ABCC9: variants seen among roughly 807,000 people sequenced by gnomAD.
ABCC9 encodes the protein ATP binding cassette subfamily C member 9, also known as ATP-binding cassette sub-family C member 9.
Under a neutral mutation model 188.3 loss-of-function variants are expected in ABCC9, and 95 were observed. The observed-to-expected ratio is 0.50, with a 90% CI of 0.43 to 0.60. The LOEUF (loss-of-function observed/expected upper bound fraction) is 0.60, where lower values mean the gene tolerates loss of function less well. Among genes scored for constraint, ABCC9 ranks in the 20% least tolerant of loss-of-function variants. The probability of loss-of-function intolerance (pLI) is 0.00; values close to 1 mark genes in which losing one functional copy is unlikely to be tolerated. For synonymous variants in ABCC9, 659 were observed against 652.7 expected, an observed-to-expected ratio of 1.01 and a Z score of -0.15; for missense variants, 1,102 against 1,876.3, an observed-to-expected ratio of 0.59 and a Z score of 7.62.
Position 21,800,790 on chromosome 12 carries a change from C to T in ABCC9, c.*254G>A. 1 of 476,060 alleles carries T rather than the reference C, an allele frequency of 2.1e-6. No homozygotes were observed. The highest frequency in any genetic ancestry group is 2.3e-5 in the South Asian group (1 of 43,980). The allele number at this position is 476,060 out of a possible 1,614,324, so 29.5% of individuals were successfully genotyped here. ...GCTATTGATTTATCACTTAAAGTAG[C>T]TTACATGTTTTAATACAACCTAGCT... On this transcript the variant is annotated 3_prime_UTR_variant, in exon 40 of 40. Transcript: ENST00000261200.
Position 21,905,170 on chromosome 12 carries a change from G to A in ABCC9, c.1618+956C>T, listed in dbSNP as rs1947976143. ...ATCATTCTCAGCAAACTATTGCAGG[G>A]ACAAAAAACCAAACACCACATGTTC... is the stretch of plus-strand genomic sequence containing the variant. On this transcript the variant is annotated intron_variant, in intron 12 of 39. Coordinates refer to ENST00000261200, the MANE Select transcript of ABCC9 (RefSeq NM_020297.4). Among the ~76,000 whole-genome samples the A allele has an allele frequency of 2.0e-5, 3 of 152,066 alleles. 1 individual carries two copies. The South Asian group carries it at 6.2e-4, about 32-fold the overall frequency.
chr12:21,912,767 A>AG, intron 8 of ABCC9, 105 bp downstream of exon 8: 1 of 1,192,418 alleles, frequency 8.4e-7, no homozygotes, highest in Non-Finnish European at 1.2e-6. Flanking sequence ...AATTCTCTGA[A>AG]AAAAAGCCTA....
intron 31 of ABCC9, among the ~76,000 whole-genome samples, chr12:21,825,544 C>T (rs1380350197): frequency 6.7e-6 from 1 of 150,150 alleles, no homozygotes; most frequent in East Asian, 2.0e-4. Flanking sequence ...AACACAGGAA[C>T]AGAAAACCAA....
chr12:21,832,820 C>T (rs906204812), intron 30 of ABCC9, among the ~76,000 whole-genome samples: 3 of 152,152 alleles, frequency 2.0e-5, no homozygotes, highest in East Asian at 3.9e-4. Flanking sequence ...GACAGTTGCA[C>T]ACACATGTTT....
intron 38 of ABCC9, 139 bp downstream of exon 38, chr12:21,807,207 G>T: frequency 8.8e-7 from 1 of 1,135,182 alleles, no homozygotes. Flanking sequence ...GCTATCATCA[G>T]TTCATCCAGT....
intron 30 of ABCC9, 105 bp downstream of exon 30, chr12:21,837,973 A>G (rs1944189035): frequency 1.0e-6 from 1 of 969,128 alleles, no homozygotes; most frequent in Non-Finnish European, 1.6e-6. Flanking sequence ...CAGGCACACA[A>G]TGGGGAGATC....
At chr12:21,825,889 G>C (rs1943351799) in intron 31 of ABCC9, among the ~76,000 whole-genome samples, 1 of 152,086 alleles carries the variant, frequency 6.6e-6, no homozygotes, top group Non-Finnish European at 1.5e-5. Flanking sequence ...CTTCTTTCTT[G>C]AGATTTTCTG....
chr12:21,809,183 A>G (rs1369702802), intron 37 of ABCC9, among the ~76,000 whole-genome samples: 1 of 152,142 alleles, frequency 6.6e-6, no homozygotes, highest in Non-Finnish European at 1.5e-5. Flanking sequence ...TTAATGAGTT[A>G]AAGATAGTAT....
rs558709090 is a variant in ABCC9, at chr12:21,829,881, T to C, written c.3567-821A>G. On this transcript the variant is annotated intron_variant, in intron 30 of 39. Transcript: ENST00000261200. ...ATTTGCAATTGGCAAAAATATACTT[T>C]TAAAATTATCTTTTTGCCTAATATT... 2.0e-5 allele frequency among the ~76,000 whole-genome samples: 3 copies of C among 152,284 alleles called. No homozygotes were observed. The East Asian group carries it at 5.8e-4, about 29-fold the overall frequency.
At chr12:21,854,406 T>C (rs1302241891) in intron 22 of ABCC9, among the ~76,000 whole-genome samples, 1 of 152,218 alleles carries the variant, frequency 6.6e-6, no homozygotes, top group Non-Finnish European at 1.5e-5. Context: ...TTAAGAATTA[T>C]AGGAGCCTTT....
At chr12:21,878,998 T>TC (rs1396961677) in intron 16 of ABCC9, among the ~76,000 whole-genome samples, 1 of 152,098 alleles carries the variant, frequency 6.6e-6, no homozygotes, top group African/African-American at 2.4e-5. Context: ...CATGTAAGGA[T>TC]AGGTACAATG....
intron 8 of ABCC9, among the ~76,000 whole-genome samples, chr12:21,912,135 A>G (rs745402702): frequency 6.6e-6 from 1 of 152,002 alleles, no homozygotes; most frequent in Non-Finnish European, 1.5e-5. Flanking sequence ...GTCAGTTCTC[A>G]TATTGCATAA....
In ABCC9 at chr12:21,806,064, CA is replaced by C. The variant is rs4148680; in HGVS notation, c.4450-5del. Reference sequence around the variant, plus strand: ...CTACTTTTTGCAAAATATTCTCCTGCAAAAAAAAAAAAGTGTAAATTTTCTC... The same window carrying C: ...CTACTTTTTGCAAAATATTCTCCTGCAAAAAAAAAAAGTGTAAATTTTCTC... On this transcript the variant is annotated splice_region_variant and splice_polypyrimidine_tract_variant and intron_variant, in intron 38 of 39. Transcript: ENST00000261200. The C allele has an allele frequency of 0.1, 101,342 of 997,342 alleles. 165 individuals are homozygous for C. Among genetic ancestry groups the C allele is most frequent in the African/African-American group, 0.13 (7,932 of 60,510 alleles). 61.8% of individuals were successfully genotyped at this position (997,342 alleles called of 1,614,324 possible). A position where few individuals can be genotyped will look rare whatever the true frequency, so the allele number is the denominator to read the frequency against.
rs189618234 is a variant in ABCC9, at chr12:21,846,450, G to A, written c.2867-618C>T. 2.7e-3 allele frequency among the ~76,000 whole-genome samples: 409 copies of A among 152,242 alleles called. 1 individual carries two copies. Among genetic ancestry groups the A allele is most frequent in the Non-Finnish European group, 3.4e-3 (231 of 68,006 alleles). On this transcript the variant is annotated intron_variant, in intron 25 of 39. Transcript: ENST00000261200. ...CAATCAAAATTTGATCATTTCTATG[G>A]TCCAGTGACTGTGTTCCCATCTTTT...
Position 21,915,383 on chromosome 12 carries a change from G to T in ABCC9, c.816+285C>A, listed in dbSNP as rs12822056. On this transcript the variant is annotated intron_variant, in intron 7 of 39. Transcript: ENST00000261200. ...ATGTGTATATATGTGTGTATATATA[G>T]ACATGTGTATATATGTATGTGTATA... 0.99 allele frequency among the ~76,000 whole-genome samples: 133,285 copies of T among 135,120 alleles called. 65,727 individuals are homozygous for T. Among genetic ancestry groups the T allele is most frequent in the East Asian group, 1 (4,692 of 4,708 alleles). The allele number at this position is 135,120 out of a possible 152,430, so 88.6% of individuals were successfully genotyped here. A position where few individuals can be genotyped will look rare whatever the true frequency, so the allele number is the denominator to read the frequency against.
intron 39 of ABCC9, 97 bp from the exon 40 acceptor site, chr12:21,801,278 G>A (rs866552706): frequency 6.6e-7 from 1 of 1,503,976 alleles, no homozygotes; most frequent in Non-Finnish European, 9.1e-7. Flanking sequence ...TGGGACATTT[G>A]TTTATCTTGG....
intron 4 of ABCC9, among the ~76,000 whole-genome samples, chr12:21,932,920 C>G (rs1174314024): frequency 6.6e-6 from 1 of 151,422 alleles, no homozygotes; most frequent in Admixed American, 6.6e-5. Flanking sequence ...TATAAAGACA[C>G]AAGCATGCAT....
rs1378531744 is a variant in ABCC9, at chr12:21,832,580, C to A, written c.3567-3520G>T. 2.0e-5 allele frequency among the ~76,000 whole-genome samples: 3 copies of A among 151,794 alleles called. 1 individual carries two copies. The highest frequency in any genetic ancestry group is 2.0e-4 in the Admixed American group (3 of 15,242). ...GCAAAGTAAAACCACAATGAGACAC[C>A]ACCTTACCCCTGCAAGAATGGCCAT... On this transcript the variant is annotated intron_variant, in intron 30 of 39. Transcript: ENST00000261200.
chr12:21,829,806 A>T (rs1943652885), intron 30 of ABCC9, among the ~76,000 whole-genome samples: 1 of 152,186 alleles, frequency 6.6e-6, no homozygotes, highest in African/African-American at 2.4e-5. Flanking sequence ...ACACAGTTAG[A>T]GTTGGGTGGG....
Sources: gnomAD v4.1 joint callset for allele counts (sites outside exome capture counted in the v4.1 genomes callset) on GRCh38, gnomAD v4.1.1 for gene constraint, MANE v1.5 for transcripts, NCBI Gene and HGNC (gene_info 2026-07-23, HGNC 2026-07-21) for gene names.